TENM4: variants seen among roughly 807,000 people sequenced by gnomAD.
TENM4 encodes teneurin-4.
A neutral mutation model predicts 243.3 loss-of-function variants in TENM4; 82 were observed. The observed-to-expected ratio is 0.34, with a 90% CI of 0.28 to 0.40. TENM4 has a LOEUF of 0.40. TENM4 is among the 10% of genes least tolerant of loss of function. The pLI, the probability that TENM4 is intolerant of heterozygous loss-of-function variation, is 1.00. For missense variants in TENM4, 3,138 were observed against 3,673.3 expected (o/e 0.85, Z 3.77); for synonymous variants, 1,412 against 1,456.3 (o/e 0.97, Z 0.69).
chr11:79,163,360 C>T (rs1052913174), intron 3 of TENM4, among the ~76,000 whole-genome samples: 2 of 152,054 alleles, frequency 1.3e-5, no homozygotes, highest in Non-Finnish European at 2.9e-5. Context: ...GCTGAAAACA[C>T]TTGTACAAGC....
chr11:78,772,248 T>C (rs1193614369), intron 17 of TENM4, among the ~76,000 whole-genome samples: 2 of 152,208 alleles, frequency 1.3e-5, no homozygotes, highest in African/African-American at 4.8e-5. Flanking sequence ...CTCTCCGAGT[T>C]TGTGGCTCAG....
At chr11:79,349,545 C>T (rs75143623) in intron 1 of TENM4, among the ~76,000 whole-genome samples, 3,413 of 152,224 alleles carry the variant, frequency 0.022, 148 homozygotes, top group African/African-American at 0.079. Flanking sequence ...TAGCACACAC[C>T]ATTCCAGGTG....
At chr11:79,384,082 C>T (rs768917867) in intron 1 of TENM4, among the ~76,000 whole-genome samples, 3 of 152,152 alleles carry the variant, frequency 2.0e-5, no homozygotes, top group African/African-American at 7.2e-5. Flanking sequence ...GACAGACAGG[C>T]ACACATGCCA....
intron 6 of TENM4, among the ~76,000 whole-genome samples, chr11:78,938,565 A>C (rs1317073162): frequency 6.6e-6 from 1 of 152,198 alleles, no homozygotes; most frequent in Admixed American, 6.5e-5. Flanking sequence ...ACAAAAGAAA[A>C]ATATGCCCTC....
chr11:79,181,315 A>C (rs2135140515), intron 3 of TENM4, among the ~76,000 whole-genome samples: 1 of 152,340 alleles, frequency 6.6e-6, no homozygotes, highest in Non-Finnish European at 1.5e-5. Flanking sequence ...ATAATCCACC[A>C]CATCAACAGG....
chr11:78,818,352 A>G (rs1012618494), intron 12 of TENM4, among the ~76,000 whole-genome samples: 4 of 152,206 alleles, frequency 2.6e-5, no homozygotes, highest in Non-Finnish European at 5.9e-5. Context: ...CTTCATAGTG[A>G]GAAAGGGACG....
At chr11:78,840,327 A>G (rs1262160428) in intron 12 of TENM4, among the ~76,000 whole-genome samples, 3 of 152,034 alleles carry the variant, frequency 2.0e-5, no homozygotes, top group Non-Finnish European at 4.4e-5. Flanking sequence ...CCTATGACAC[A>G]AATGAAAATA....
intron 6 of TENM4, among the ~76,000 whole-genome samples, chr11:78,957,768 A>AC (rs561500808): frequency 1.3e-5 from 2 of 152,210 alleles, no homozygotes; most frequent in Non-Finnish European, 2.9e-5. Context: ...AGGAAGCTGC[A>AC]CCAAAGTTTA....
At chr11:78,701,248 C>T (rs1003365586) in intron 28 of TENM4, among the ~76,000 whole-genome samples, 15 of 152,072 alleles carry the variant, frequency 9.9e-5, no homozygotes, top group Admixed American at 9.8e-4. Flanking sequence ...TCCACTGTAT[C>T]CATTCTACAG....
intron 3 of TENM4, among the ~76,000 whole-genome samples, chr11:79,177,548 A>C (rs540606418): frequency 6.6e-6 from 1 of 152,326 alleles, no homozygotes; most frequent in Admixed American, 6.5e-5. Context: ...CTAAGGTGGA[A>C]GTCAGATAAC....
chr11:79,181,326 C>T (rs544310397), intron 3 of TENM4, among the ~76,000 whole-genome samples: 2 of 151,942 alleles, frequency 1.3e-5, no homozygotes, highest in Non-Finnish European at 2.9e-5. Context: ...CATCAACAGG[C>T]TAAAAAAGAA....
intron 18 of TENM4, among the ~76,000 whole-genome samples, chr11:78,766,051 C>A (rs1471562396): frequency 6.6e-6 from 1 of 152,080 alleles, no homozygotes; most frequent in Non-Finnish European, 1.5e-5. Context: ...TAATAAATAT[C>A]ATGTTTCTGT....
At chr11:79,130,906 A>T (rs1261978406) in intron 4 of TENM4, among the ~76,000 whole-genome samples, 1 of 152,190 alleles carries the variant, frequency 6.6e-6, no homozygotes, top group Non-Finnish European at 1.5e-5. Context: ...TCAACAATGG[A>T]ATTGAACAAG....
At chr11:79,230,721 G>A (rs1188190875) in intron 2 of TENM4, among the ~76,000 whole-genome samples, 1 of 152,218 alleles carries the variant, frequency 6.6e-6, no homozygotes, top group Admixed American at 6.5e-5. Context: ...CAGGCCTCAT[G>A]TTTTCTGAGC....
intron 1 of TENM4, among the ~76,000 whole-genome samples, chr11:79,396,250 C>T (rs143150123): frequency 9.8e-4 from 150 of 152,296 alleles, no homozygotes; most frequent in African/African-American, 3.3e-3. Flanking sequence ...ACTGTATGGT[C>T]CAATTAGGCA....
intron 6 of TENM4, among the ~76,000 whole-genome samples, chr11:78,974,333 T>C (rs960820568): frequency 1.3e-5 from 2 of 152,186 alleles, no homozygotes; most frequent in African/African-American, 4.8e-5. Flanking sequence ...TCTCATGTGA[T>C]CCTTACCACA....
intron 15 of TENM4, among the ~76,000 whole-genome samples, chr11:78,796,910 T>G (rs77141368): frequency 0.032 from 4,883 of 152,312 alleles, 236 homozygotes; most frequent in African/African-American, 0.1. Flanking sequence ...CCACCTTGAA[T>G]TCCACTTCCT....
chr11:79,251,950 G>C (rs150615906), intron 2 of TENM4, among the ~76,000 whole-genome samples: 181 of 152,216 alleles, frequency 1.2e-3, no homozygotes, highest in African/African-American at 3.9e-3. Context: ...GAACTAGATG[G>C]AAAATATGAC....
At position 78,786,999 on chromosome 11, in the gene TENM4, C is replaced by T; in HGVS notation, c.2264G>A (p.Cys755Tyr). ...GCGCGGGTGGCAGGCCCGCTGGTCGCAGGCTGCCCCCATCCAGCCATCCTC... is the reference window on the plus strand; with the variant it reads ...GCGCGGGTGGCAGGCCCGCTGGTCGTAGGCTGCCCCCATCCAGCCATCCTC... ...RCEDGWMGAA[C>Y]DQRACHPRCA... is the part of the protein sequence containing the mutation. Residue 755 changes from cysteine to tyrosine, a missense_variant, in exon 16 of 34, where the codon TGC becomes TAC. Transcript: ENST00000278550. 6.4e-7 allele frequency: 1 copy of T among 1,573,242 alleles called. No individual in the cohort carries two copies.
Sources: allele counts gnomAD v4.1 joint callset (sites outside exome capture counted in the v4.1 genomes callset), GRCh38; gene constraint gnomAD v4.1.1; transcripts MANE v1.5; gene names NCBI Gene and HGNC (gene_info 2026-07-23, HGNC 2026-07-21).